TRHDE: variants seen among roughly 807,000 people sequenced by gnomAD.
TRHDE encodes thyrotropin releasing hormone degrading enzyme, also known as thyrotropin-releasing hormone-degrading ectoenzyme.
TRHDE carries 72 observed loss-of-function variants against 125.7 expected under a neutral mutation model. The ratio of observed to expected loss-of-function variants is 0.57; its 90% CI spans 0.47 to 0.70. The LOEUF (loss-of-function observed/expected upper bound fraction) is 0.70. Among genes scored for constraint, TRHDE ranks in the 30% least tolerant of loss-of-function variants. The pLI, the probability that TRHDE is intolerant of heterozygous loss-of-function variation, is 0.00. For synonymous variants in TRHDE, 509 were observed against 509.1 expected, an observed-to-expected ratio of 1.00 and a Z score of 0.00; for missense variants, 1,110 against 1,327.1, an observed-to-expected ratio of 0.84 and a Z score of 2.54.
chr12:72,633,744 G>A (rs542730380), intron 15 of TRHDE, among the ~76,000 whole-genome samples: 1 of 152,002 alleles, frequency 6.6e-6, no homozygotes, highest in African/African-American at 2.4e-5. Flanking sequence ...GAATTTAGTG[G>A]TACTATATTT....
chr12:72,193,416 G>A (rs1877377774), intron 2 of TRHDE, among the ~76,000 whole-genome samples: 1 of 152,190 alleles, frequency 6.6e-6, no homozygotes, highest in East Asian at 1.9e-4. Flanking sequence ...TATTTATTCA[G>A]TAGCACATTT....
chr12:72,460,606 A>G (rs747863355), intron 3 of TRHDE, among the ~76,000 whole-genome samples: 51 of 152,180 alleles, frequency 3.4e-4, no homozygotes, highest in Middle Eastern at 3.2e-3. Context: ...TGAAACCTTA[A>G]TAGGAAGGAA....
intron 2 of TRHDE, among the ~76,000 whole-genome samples, chr12:72,294,812 C>T (rs936185503): frequency 3.3e-5 from 5 of 152,084 alleles, no homozygotes; most frequent in African/African-American, 1.2e-4. Context: ...TCAGCTCCAC[C>T]TTGGCTTCCC....
At chr12:72,650,956 C>A (rs907574372) in intron 15 of TRHDE, among the ~76,000 whole-genome samples, 2 of 152,060 alleles carry the variant, frequency 1.3e-5, no homozygotes, top group Non-Finnish European at 2.9e-5. Context: ...GAACATGTCA[C>A]CAATAATTGA....
intron 2 of TRHDE, among the ~76,000 whole-genome samples, chr12:72,141,900 C>T (rs1347560749): frequency 3.3e-5 from 5 of 152,116 alleles, no homozygotes; most frequent in African/African-American, 1.2e-4. Flanking sequence ...TCACATTCCT[C>T]TTTTAGAGTG....
chr12:72,575,277 G>A lies in TRHDE; in HGVS notation c.2154G>A (p.Leu718=), dbSNP rs1252152677. The A allele has an allele frequency of 1.9e-6, 3 of 1,613,272 alleles. No individual in the cohort carries two copies. The highest frequency in any genetic ancestry group is 3.3e-5 in the Admixed American group (2 of 59,906). Residue 718 remains leucine, a synonymous_variant, in exon 11 of 19, where the codon TTG becomes TTA. Coordinates refer to ENST00000261180, the MANE Select transcript of TRHDE (RefSeq NM_013381.3). ...CAGAGCACCACAGAATAACTTATTT[G>A]GACAAAGGAAGCTGGCTGCTGGGGA... The part of the protein sequence containing the change: ...NKSEHHRITY[L]DKGSWLLGNI...
At chr12:72,168,468 T>C (rs1201765118) in intron 2 of TRHDE, among the ~76,000 whole-genome samples, 1 of 152,202 alleles carries the variant, frequency 6.6e-6, no homozygotes, top group Non-Finnish European at 1.5e-5. Flanking sequence ...AGCTTTCTCA[T>C]TTAGAATGTG....
chr12:72,640,332 C>G (rs910414309), intron 15 of TRHDE, among the ~76,000 whole-genome samples: 2 of 152,342 alleles, frequency 1.3e-5, no homozygotes, highest in East Asian at 3.9e-4. Flanking sequence ...CTGCGCTTCC[C>G]GAGTGAGGCA....
chr12:72,273,064 G>A lies in TRHDE; in HGVS notation c.421G>A (p.Ala141Thr). The change falls in exon 1 of 19, where the codon GCC becomes ACC. Residue 141 changes from alanine (A) to threonine (T), a missense_variant. Coordinates refer to ENST00000261180, the MANE Select transcript of TRHDE (RefSeq NM_013381.3). The surrounding 1 kb of genome is among the most constrained non-coding windows in gnomAD (Gnocchi z 5.3). ...RGGNGSLPGS[A>T]RRNHHAGGDS... is the part of the protein sequence containing the mutation. ...CGGCAACGGGAGCCTCCCTGGATCG[G>A]CCCGGCGCAACCACCACGCAGGCGG... 6.5e-7 allele frequency: 1 copy of A among 1,527,292 alleles called. No homozygotes were observed. The allele number at this position is 1,527,292 out of a possible 1,614,324, so 94.6% of individuals were successfully genotyped here. A position where few individuals can be genotyped will look rare whatever the true frequency, so the allele number is the denominator to read the frequency against.
At chr12:72,176,599 T>G (rs1565655708) in intron 2 of TRHDE, among the ~76,000 whole-genome samples, 1 of 152,186 alleles carries the variant, frequency 6.6e-6, no homozygotes, top group African/African-American at 2.4e-5. Flanking sequence ...AGTGGTATGA[T>G]TTTTTTCTAA....
chr12:72,372,349 A>G (rs1871641999), intron 2 of TRHDE, among the ~76,000 whole-genome samples: 1 of 151,540 alleles, frequency 6.6e-6, no homozygotes, highest in African/African-American at 2.4e-5. Context: ...TTGCCTGTTC[A>G]CTCTGATGGT....
intron 15 of TRHDE, among the ~76,000 whole-genome samples, chr12:72,644,250 C>T (rs1384973511): frequency 1.3e-5 from 2 of 152,092 alleles, no homozygotes; most frequent in Non-Finnish European, 2.9e-5. Flanking sequence ...GGCAAATGAT[C>T]AGAAAGAGAA....
In TRHDE at chr12:72,614,330, A is replaced by ATATATATTTTTT. The variant is rs531067163; in HGVS notation, c.2322-4560_2322-4559insATATATTTTTTT. The stretch of plus-strand genomic sequence containing the variant: ...TACATATGTATATATATATATATAT[A>ATATATATTTTTT]TTTTTTTTTTCTCTAGAAACTGATC... On this transcript the variant is annotated intron_variant, in intron 12 of 18. Coordinates refer to ENST00000261180, the MANE Select transcript of TRHDE (RefSeq NM_013381.3). Among the ~76,000 whole-genome samples the ATATATATTTTTT allele has an allele frequency of 9.3e-3, 1,205 of 129,802 alleles. 7 individuals are homozygous for ATATATATTTTTT. Among genetic ancestry groups the ATATATATTTTTT allele is most frequent in the African/African-American group, 0.012 (408 of 32,772 alleles). 85.2% of individuals were successfully genotyped at this position (129,802 alleles called of 152,430 possible).
intron 7 of TRHDE, among the ~76,000 whole-genome samples, chr12:72,555,185 T>A (rs913610505): frequency 1.3e-5 from 2 of 152,184 alleles, no homozygotes; most frequent in African/African-American, 4.8e-5. Context: ...CCTTTTTTGT[T>A]CCTAGCAAAC....
chr12:72,181,270 G>A (rs1190263749), intron 2 of TRHDE, among the ~76,000 whole-genome samples: 11 of 152,124 alleles, frequency 7.2e-5, no homozygotes, highest in East Asian at 1.9e-4. Context: ...TGCTTTCTAC[G>A]CAGAGAAGCC....
chr12:72,499,521 T>A lies in TRHDE; in HGVS notation c.1608T>A (p.Asp536Glu). ...AGGAAAAGCAGAGGTTTCTGACCGA[T>A]GTTCTGCATGAAGTGATGCTGCTGG... ...WNMEKQRFLT[D>E]VLHEVMLLDG... Residue 536 changes from aspartate to glutamate, a missense_variant, in exon 6 of 19, where the codon GAT (aspartate) becomes GAA (glutamate). Coordinates refer to ENST00000261180, the MANE Select transcript of TRHDE (RefSeq NM_013381.3). 6.2e-7 allele frequency: 1 copy of A among 1,613,768 alleles called. No individual in the cohort carries two copies. The highest frequency in any genetic ancestry group is 8.5e-7 in the Non-Finnish European group (1 of 1,179,830).
chr12:72,475,037 C>G (rs79040370), intron 5 of TRHDE, among the ~76,000 whole-genome samples: 6 of 151,998 alleles, frequency 3.9e-5, no homozygotes, highest in African/African-American at 1.4e-4. Context: ...ATATGTATAA[C>G]ATAATTTTAA....
chr12:72,522,449 A>G (rs955161418), intron 6 of TRHDE, among the ~76,000 whole-genome samples: 4 of 152,228 alleles, frequency 2.6e-5, no homozygotes, highest in Non-Finnish European at 5.9e-5. Context: ...TGAATTTAAC[A>G]GTCATTAATC....
chr12:72,640,525 C>T (rs1874011614), intron 15 of TRHDE, among the ~76,000 whole-genome samples: 1 of 152,110 alleles, frequency 6.6e-6, no homozygotes, highest in Non-Finnish European at 1.5e-5. Context: ...ATCTTCTTCA[C>T]TTACTTTTTC....
Sources: gnomAD v4.1 joint callset for allele counts (sites outside exome capture counted in the v4.1 genomes callset) on GRCh38, gnomAD v4.1.1 for gene constraint, Gnocchi (gnomAD v3.1) non-coding constraint, MANE v1.5 for transcripts, NCBI Gene and HGNC (gene_info 2026-07-23, HGNC 2026-07-21) for gene names.